LRRC1: variants seen among roughly 807,000 people sequenced by gnomAD.
LRRC1 encodes leucine-rich repeat-containing protein 1.
LRRC1 carries 28 observed loss-of-function variants against 69.9 expected under a neutral mutation model. The ratio of observed to expected loss-of-function variants is 0.40; its 90% CI spans 0.30 to 0.55. LRRC1 has a LOEUF of 0.55. Among genes scored for constraint, LRRC1 ranks in the 20% least tolerant of loss-of-function variants. The pLI, the probability that LRRC1 is intolerant of heterozygous loss-of-function variation, is 0.47. For missense variants in LRRC1, 498 were observed against 609.0 expected (o/e 0.82, Z 1.92); for synonymous variants, 236 against 240.2 (o/e 0.98, Z 0.16).
At chr6:53,896,274 CT>C (rs1189815635) in intron 4 of LRRC1, among the ~76,000 whole-genome samples, 1 of 152,102 alleles carries the variant, frequency 6.6e-6, no homozygotes, top group African/African-American at 2.4e-5. Flanking sequence ...ACACACTACT[CT>C]TTTATTAATT....
At chr6:53,877,270 G>T (rs935911281) in intron 2 of LRRC1, among the ~76,000 whole-genome samples, 7 of 152,126 alleles carry the variant, frequency 4.6e-5, no homozygotes, top group Non-Finnish European at 1.0e-4. Context: ...ACACAACATG[G>T]GGACCCTGGA....
chr6:53,899,058 A>G (rs894857804), intron 7 of LRRC1, among the ~76,000 whole-genome samples: 1 of 152,232 alleles, frequency 6.6e-6, no homozygotes, highest in Non-Finnish European at 1.5e-5. Flanking sequence ...TGAGGTTAAG[A>G]TTTAATATTG....
At chr6:53,897,617 C>G (rs1767919048) in intron 7 of LRRC1, among the ~76,000 whole-genome samples, 1 of 151,978 alleles carries the variant, frequency 6.6e-6, no homozygotes, top group Non-Finnish European at 1.5e-5. Context: ...TTATTGTGTC[C>G]TTGCTACCCA....
chr6:53,833,842 A>G (rs1253580965), intron 1 of LRRC1, among the ~76,000 whole-genome samples: 1 of 152,176 alleles, frequency 6.6e-6, no homozygotes, highest in Non-Finnish European at 1.5e-5. Flanking sequence ...ATCTTATTTC[A>G]TATTTATTGT....
chr6:53,858,149 A>G (rs1426542338), intron 2 of LRRC1, among the ~76,000 whole-genome samples: 1 of 152,168 alleles, frequency 6.6e-6, no homozygotes, highest in Admixed American at 6.5e-5. Context: ...TGGCCATTTC[A>G]GGTATGTTAT....
At chr6:53,877,513 C>G (rs2127429566) in intron 2 of LRRC1, among the ~76,000 whole-genome samples, 1 of 152,202 alleles carries the variant, frequency 6.6e-6, no homozygotes, top group South Asian at 2.1e-4. Context: ...TGCTCTGCTT[C>G]CCTTATAAAC....
At chr6:53,825,714 C>T (rs747406949) in intron 1 of LRRC1, among the ~76,000 whole-genome samples, 14 of 152,138 alleles carry the variant, frequency 9.2e-5, no homozygotes, top group African/African-American at 2.4e-4. Context: ...CTGATGATAA[C>T]GCAGCAGACT....
chr6:53,889,640 G>C (rs932034530), intron 4 of LRRC1, among the ~76,000 whole-genome samples: 1 of 152,130 alleles, frequency 6.6e-6, no homozygotes, highest in African/African-American at 2.4e-5. Flanking sequence ...GTGTTGTGGG[G>C]TGGAGGAATG....
At chr6:53,904,726 G>C (rs1768175109) in intron 10 of LRRC1, 4 of 211,686 alleles carry the variant, frequency 1.9e-5, no homozygotes, top group Admixed American at 1.2e-4. Flanking sequence ...TTGATATACA[G>C]AGAATGGTGA....
intron 1 of LRRC1, among the ~76,000 whole-genome samples, chr6:53,813,891 T>G (rs1393541396): frequency 6.6e-6 from 1 of 152,172 alleles, no homozygotes; most frequent in East Asian, 1.9e-4. Context: ...CAGTAGCAGC[T>G]AATAGGTAAT....
intron 2 of LRRC1, among the ~76,000 whole-genome samples, chr6:53,855,782 C>A (rs953759329): frequency 1.3e-5 from 2 of 152,180 alleles, no homozygotes; most frequent in Non-Finnish European, 2.9e-5. Context: ...CCCCAGCCCC[C>A]TTTTAGGTCC....
At chr6:53,855,558 G>A (rs544170055) in intron 2 of LRRC1, among the ~76,000 whole-genome samples, 5 of 152,168 alleles carry the variant, frequency 3.3e-5, no homozygotes, top group Non-Finnish European at 7.3e-5. Flanking sequence ...GGACCTGAGG[G>A]AGTCTTTGGA....
chr6:53,841,317 C>T (rs1393734303), intron 1 of LRRC1, among the ~76,000 whole-genome samples: 1 of 152,188 alleles, frequency 6.6e-6, no homozygotes, highest in Non-Finnish European at 1.5e-5. Context: ...TCAGAGGTAC[C>T]TGGACCTAGT....
intron 2 of LRRC1, among the ~76,000 whole-genome samples, chr6:53,858,702 A>C (rs1161935726): frequency 6.6e-6 from 1 of 152,086 alleles, no homozygotes; most frequent in African/African-American, 2.4e-5. Context: ...TCACTTTTTG[A>C]TTTGTAGGAA....
chr6:53,901,580 C>A (rs1768058243), intron 8 of LRRC1, among the ~76,000 whole-genome samples: 1 of 151,510 alleles, frequency 6.6e-6, no homozygotes, highest in Non-Finnish European at 1.5e-5. Flanking sequence ...TGTTACAAAT[C>A]AGTTTGGGCT....
At chr6:53,801,577 A>G (rs1305628453) in intron 1 of LRRC1, among the ~76,000 whole-genome samples, 1 of 152,154 alleles carries the variant, frequency 6.6e-6, no homozygotes, top group Non-Finnish European at 1.5e-5. Flanking sequence ...TGTTACTATC[A>G]CACAATTTAG....
chr6:53,811,829 G>A (rs1433623435), intron 1 of LRRC1, among the ~76,000 whole-genome samples: 1 of 152,258 alleles, frequency 6.6e-6, no homozygotes, highest in Non-Finnish European at 1.5e-5. Flanking sequence ...TTACATGCGA[G>A]GTACTAATCT....
intron 1 of LRRC1, among the ~76,000 whole-genome samples, chr6:53,814,836 A>G (rs999986799): frequency 5.3e-5 from 8 of 152,144 alleles, no homozygotes; most frequent in Admixed American, 5.2e-4. Flanking sequence ...TGAGCTCTGG[A>G]TATTGTAAAT....
intron 13 of LRRC1, 75 bp downstream of exon 13, chr6:53,920,836 T>G: frequency 6.6e-7 from 1 of 1,523,594 alleles, no homozygotes; most frequent in Admixed American, 1.7e-5. Context: ...ATAAGGATAT[T>G]CTTTATTTTC....
Sources: allele counts gnomAD v4.1 joint callset (sites outside exome capture counted in the v4.1 genomes callset), GRCh38; gene constraint gnomAD v4.1.1; transcripts MANE v1.5; gene names NCBI Gene and HGNC (gene_info 2026-07-23, HGNC 2026-07-21).